Variants in CAMKK1 observed in about 807,000 individuals in gnomAD.
CAMKK1 encodes calcium/calmodulin-dependent protein kinase kinase 1.
Under a neutral mutation model 63.5 loss-of-function variants are expected in CAMKK1, and 20 were observed. The ratio of observed to expected loss-of-function variants is 0.32; its 90% CI spans 0.22 to 0.46. The LOEUF (loss-of-function observed/expected upper bound fraction) is 0.46. Ranked by LOEUF, CAMKK1 falls within the 20% of genes least tolerant of loss-of-function variation. The pLI is 1.00. For missense variants in CAMKK1, 588 were observed against 658.1 expected (o/e 0.89, Z 1.17); for synonymous variants, 253 against 269.0 (o/e 0.94, Z 0.58).
chr17:3,866,236 G>A (rs904553905), intron 14 of CAMKK1, among the ~76,000 whole-genome samples: 8 of 152,234 alleles, frequency 5.3e-5, no homozygotes, highest in Non-Finnish European at 8.8e-5. Context: ...GGAGGGGGCC[G>A]GGACCAGCCC....
Position 3,861,895 on chromosome 17 carries a change from C to T in CAMKK1, c.*316G>A. 1 of 402,856 alleles carries T rather than the reference C, an allele frequency of 2.5e-6. No individual in the cohort carries two copies. The allele number at this position is 402,856 out of a possible 1,614,324, so 25.0% of individuals were successfully genotyped here. ...TCCTGCCTCTGCCTCCTGCCCCAGG[C>T]CATGCCAACCAGCCGGGTGGCATTT... On this transcript the variant is annotated 3_prime_UTR_variant, in exon 16 of 16. Transcript: ENST00000348335.
intron 10 of CAMKK1, among the ~76,000 whole-genome samples, chr17:3,874,250 C>A (rs1597462569): frequency 6.6e-6 from 1 of 152,070 alleles, no homozygotes; most frequent in Non-Finnish European, 1.5e-5. Context: ...TGAAAGGATA[C>A]CACAGACAAG....
chr17:3,867,468 A>G (rs1036326247), intron 14 of CAMKK1, among the ~76,000 whole-genome samples: 1 of 152,170 alleles, frequency 6.6e-6, no homozygotes, highest in Non-Finnish European at 1.5e-5. Context: ...TGACACACTC[A>G]TGCCACTGGG....
intron 14 of CAMKK1, among the ~76,000 whole-genome samples, chr17:3,868,650 T>C (rs1031470075): frequency 6.6e-6 from 1 of 151,716 alleles, no homozygotes; most frequent in Admixed American, 6.6e-5. Context: ...AAGGGCCATC[T>C]ATTTCTTTCT....
chr17:3,885,550 T>C lies in CAMKK1; in HGVS notation c.138A>G (p.Pro46=). 3 of 1,613,976 alleles carry C rather than the reference T, an allele frequency of 1.9e-6. No individual in the cohort carries two copies. Among genetic ancestry groups the C allele is most frequent in the Non-Finnish European group, 2.5e-6 (3 of 1,180,008 alleles). ...EPTRNGVDPP[P]RARAASVIPG... Reference sequence around the variant, plus strand: ...GGATCACAGAGGCAGCTCTGGCCCGTGGTGGGGGGTCCACACCGTTTCTAG... The same window carrying C: ...GGATCACAGAGGCAGCTCTGGCCCGCGGTGGGGGGTCCACACCGTTTCTAG... The change falls in exon 2 of 16, where the codon CCA becomes CCG. Residue 46 remains proline, a synonymous_variant. Coordinates refer to ENST00000348335, the MANE Select transcript of CAMKK1 (RefSeq NM_032294.3).
At chr17:3,881,674 G>A (rs1200232012) in intron 7 of CAMKK1, 26 bp from the exon 8 acceptor site, 4 of 1,561,060 alleles carry the variant, frequency 2.6e-6, no homozygotes. Context: ...AGAAGGTAAG[G>A]TGTAGCTGGC....
intron 12 of CAMKK1, among the ~76,000 whole-genome samples, chr17:3,870,721 G>C (rs1310079885): frequency 6.6e-6 from 1 of 152,124 alleles, no homozygotes; most frequent in Admixed American, 6.5e-5. Flanking sequence ...TCCAAGACTA[G>C]GGAGCAGAAA....
chr17:3,872,374 G>A (rs985801503), intron 12 of CAMKK1, among the ~76,000 whole-genome samples, 180 bp downstream of exon 12: 5 of 152,136 alleles, frequency 3.3e-5, no homozygotes, highest in East Asian at 1.9e-4. Context: ...GTGACGTTGC[G>A]GAGACCCTTG....
rs2055936806 is a variant in CAMKK1 at position 3,892,451 on chromosome 17, G to GC, written c.-44+487_-44+488insG. On this transcript the variant is annotated intron_variant, in intron 1 of 15. Coordinates refer to ENST00000348335, the MANE Select transcript of CAMKK1 (RefSeq NM_032294.3). The surrounding 1 kb of genome is among the most constrained non-coding windows in gnomAD (Gnocchi z 7.5). ...TGCCGCCCCCTCTCGCCCCAGCCAA[G>GC]GCAGGACCCTGCGCAGCCTGAGCCG... Among the ~76,000 whole-genome samples, 1 of 152,064 alleles carries GC rather than the reference G, an allele frequency of 6.6e-6. No individual in the cohort carries two copies. Among genetic ancestry groups the GC allele is most frequent in the Admixed American group, 6.5e-5 (1 of 15,274 alleles).
chr17:3,862,201 A>G lies in CAMKK1; in HGVS notation c.*10T>C, dbSNP rs1443902544. 21 of 1,577,286 alleles carry G rather than the reference A, an allele frequency of 1.3e-5. No homozygotes were observed. The highest frequency in any genetic ancestry group is 1.7e-5 in the Non-Finnish European group (20 of 1,161,168). On this transcript the variant is annotated 3_prime_UTR_variant, in exon 16 of 16. Transcript: ENST00000348335. This position sits in a 1 kb window ranked among gnomAD's most constrained non-coding sequence, Gnocchi z 4.1. ...TGTGCTGCCGGGTGGCCCTGGGTGC[A>G]TGCAGGGGCTCAGGATGCAGCCTCG...
At chr17:3,868,326 A>G (rs867870174) in intron 14 of CAMKK1, among the ~76,000 whole-genome samples, 2,119 of 124,454 alleles carry the variant, frequency 0.017, 83 homozygotes, top group African/African-American at 0.079. Flanking sequence ...ACTGATACAC[A>G]GGATCTGGGG....
intron 1 of CAMKK1, among the ~76,000 whole-genome samples, chr17:3,891,387 G>A (rs901919412): frequency 9.8e-5 from 15 of 152,318 alleles, no homozygotes; most frequent in African/African-American, 3.6e-4. Context: ...CAAGAGAAAG[G>A]GGCTGGGAGA....
Position 3,890,161 on chromosome 17 carries a change from C to G in CAMKK1, c.-44+2778G>C, listed in dbSNP as rs2055837519. 6.6e-6 allele frequency among the ~76,000 whole-genome samples: 1 copy of G among 152,238 alleles called. No individual in the cohort carries two copies. The highest frequency in any genetic ancestry group is 2.4e-5 in the African/African-American group (1 of 41,456). ...CTGTGTTTATGATCCTGGCGAGTAT[C>G]TGGATGGCCCTGGCAACGGGTGCCC... On this transcript the variant is annotated intron_variant, in intron 1 of 15. Transcript: ENST00000348335. This position sits in a 1 kb window ranked among gnomAD's most constrained non-coding sequence, Gnocchi z 6.5.
In CAMKK1 at chr17:3,868,285, G is replaced by A. The variant is rs538447898; in HGVS notation, c.1341+1202C>T. On this transcript the variant is annotated intron_variant, in intron 14 of 15. Coordinates refer to ENST00000348335, the MANE Select transcript of CAMKK1 (RefSeq NM_032294.3). ...GAAGCAGGCGCCGTCTAACTGATAC[G>A]TGGGCACGGGGGAGATGCAGGCACC... 7.1e-5 allele frequency among the ~76,000 whole-genome samples: 10 copies of A among 140,846 alleles called. 1 individual carries two copies. In the East Asian group the frequency reaches 1.1e-3, roughly 15 times the overall value. 92.4% of individuals were successfully genotyped at this position (140,846 alleles called of 152,430 possible).
chr17:3,875,526 A>G (rs1237108510), intron 10 of CAMKK1, among the ~76,000 whole-genome samples: 3 of 151,592 alleles, frequency 2.0e-5, no homozygotes, highest in Non-Finnish European at 4.4e-5. Flanking sequence ...GCCTTAAGAG[A>G]TCCACCTTGG....
At chr17:3,873,727 G>A (rs1477136305) in intron 10 of CAMKK1, among the ~76,000 whole-genome samples, 4 of 152,104 alleles carry the variant, frequency 2.6e-5, no homozygotes, top group African/African-American at 9.7e-5. Flanking sequence ...CAACTCAACA[G>A]GTACAAAACC....
chr17:3,871,376 A>T (rs2054859768), intron 12 of CAMKK1, among the ~76,000 whole-genome samples: 2 of 93,084 alleles, frequency 2.1e-5, no homozygotes, highest in Non-Finnish European at 4.0e-5. Flanking sequence ...TTTTTTTGAG[A>T]CAGAGTCTCG....
chr17:3,863,752 C>T (rs2054406054), intron 15 of CAMKK1, among the ~76,000 whole-genome samples: 1 of 152,002 alleles, frequency 6.6e-6, no homozygotes, highest in African/African-American at 2.4e-5. Flanking sequence ...AAACTTGGGT[C>T]ACAGAATTCT....
In CAMKK1 at chr17:3,883,920, C is replaced by T; in HGVS notation, c.426G>A (p.Val142=). ...SEIGKGAYGV[V]RLAYNESEDR... ...CTTCACTTTCGTTGTAGGCCAGCCT[C>T]ACCACACCGTAGGCACCCTGCAGAT... Residue 142 remains valine, a synonymous_variant, in exon 4 of 16, where the codon GTG becomes GTA. Transcript: ENST00000348335. The surrounding 1 kb of genome is among the most constrained non-coding windows in gnomAD (Gnocchi z 4.7). 1.2e-6 allele frequency: 2 copies of T among 1,613,846 alleles called. No individual in the cohort carries two copies. Among genetic ancestry groups the T allele is most frequent in the Non-Finnish European group, 1.7e-6 (2 of 1,179,954 alleles).
Sources: gnomAD v4.1 joint callset for allele counts (sites outside exome capture counted in the v4.1 genomes callset) on GRCh38, gnomAD v4.1.1 for gene constraint, Gnocchi (gnomAD v3.1) non-coding constraint, MANE v1.5 for transcripts, NCBI Gene and HGNC (gene_info 2026-07-23, HGNC 2026-07-21) for gene names.